ASIC3: variants seen among roughly 807,000 people sequenced by gnomAD.
The protein encoded by ASIC3 is acid sensing ion channel subunit 3, also known as acid-sensing ion channel 3.
Under a neutral mutation model 58.6 loss-of-function variants are expected in ASIC3, and 46 were observed. The ratio of observed to expected loss-of-function variants is 0.79; its 90% CI spans 0.62 to 1.00. The LOEUF (loss-of-function observed/expected upper bound fraction) is 1.00, where lower values mean the gene tolerates loss of function less well. ASIC3 is among the 50% of genes least tolerant of loss of function. ASIC3 has a pLI of 0.00. For synonymous variants in ASIC3, 336 were observed against 300.2 expected, an observed-to-expected ratio of 1.12 and a Z score of -1.23; for missense variants, 770 against 735.0, an observed-to-expected ratio of 1.05 and a Z score of -0.55.
chr7:151,050,666 A>G (rs1796748569), intron 3 of ASIC3, 58 bp downstream of exon 3: 2 of 1,609,654 alleles, frequency 1.2e-6, no homozygotes, highest in Non-Finnish European at 1.7e-6. Context: ...CTCAGACCCT[A>G]AACCCTCAGC....
Position 151,049,195 on chromosome 7 carries a change from C to G in ASIC3, c.310C>G (p.Pro104Ala). ...INPLRRSRLTPNDLHWAGSAL... is the reference protein window; with the variant it reads ...INPLRRSRLTANDLHWAGSAL... ...CCCACTGCGCCGCTCGCGCCTAACG[C>G]CCAACGACCTGCACTGGGCTGGGTC... Residue 104 changes from proline to alanine, a missense_variant, in exon 1 of 11, where the codon CCC (proline) becomes GCC (alanine). Coordinates refer to ENST00000349064, the MANE Select transcript of ASIC3 (RefSeq NM_004769.4). The G allele has an allele frequency of 6.2e-7, 1 of 1,613,470 alleles. No individual in the cohort carries two copies. Among genetic ancestry groups the G allele is most frequent in the African/African-American group, 1.3e-5 (1 of 75,054 alleles).
chr7:151,052,690 C>T lies in ASIC3; in HGVS notation c.*38C>T. ...TGTCCTCGGAGCCCCGCCCTGACAT[C>T]CTGGACATGCCTAGCCTGCACGTAG... On this transcript the variant is annotated 3_prime_UTR_variant, in exon 11 of 11. Coordinates refer to ENST00000349064, the MANE Select transcript of ASIC3 (RefSeq NM_004769.4). This position sits in a 1 kb window ranked among gnomAD's most constrained non-coding sequence, Gnocchi z 5.0. 1 of 1,614,166 alleles carries T rather than the reference C, an allele frequency of 6.2e-7. No homozygotes were observed. Among genetic ancestry groups the T allele is most frequent in the Non-Finnish European group, 8.5e-7 (1 of 1,180,016 alleles).
chr7:151,052,206 A>G lies in ASIC3; in HGVS notation c.1427A>G (p.Gln476Arg), dbSNP rs765175405. The change falls in exon 9 of 11, where the codon CAG becomes CGG. Residue 476 changes from glutamine (Q) to arginine (R), a missense_variant. Coordinates refer to ENST00000349064, the MANE Select transcript of ASIC3 (RefSeq NM_004769.4). This position sits in a 1 kb window ranked among gnomAD's most constrained non-coding sequence, Gnocchi z 5.0. ...GTCCTGGGATATTTCTGGAACCGAC[A>G]GCACTCCCAAAGGCACTCCAGCACC... ...DKVLGYFWNR[Q>R]HSQRHSSTNL... is the part of the protein sequence containing the mutation. 1.9e-6 allele frequency: 3 copies of G among 1,614,050 alleles called. No individual in the cohort carries two copies. The South Asian group carries it at 3.3e-5, about 18-fold the overall frequency.
intron 6 of ASIC3, 150 bp downstream of exon 6, chr7:151,051,469 T>A: frequency 9.4e-7 from 1 of 1,061,650 alleles, no homozygotes. Context: ...GCTGGTTGCT[T>A]AATCTTTCTG....
At position 151,048,992 on chromosome 7, in the gene ASIC3, G is replaced by C; in HGVS notation, c.107G>C (p.Gly36Ala). 1 of 1,609,990 alleles carries C rather than the reference G, an allele frequency of 6.2e-7. No homozygotes were observed. The highest frequency in any genetic ancestry group is 1.1e-5 in the South Asian group (1 of 91,010). ...MHGLGHVFGPGSLSLRRGMWA... is the reference protein window; with the variant it reads ...MHGLGHVFGPASLSLRRGMWA... ...GGGCTGGGCCACGTCTTCGGGCCAG[G>C]CAGCCTGAGCCTGCGCCGGGGGATG... Residue 36 changes from glycine (G) to alanine (A), a missense_variant, in exon 1 of 11, where the codon GGC (glycine) becomes GCC (alanine). Coordinates refer to ENST00000349064, the MANE Select transcript of ASIC3 (RefSeq NM_004769.4).
In ASIC3 at chr7:151,048,715, A is replaced by C; in HGVS notation, c.-171A>C. On this transcript the variant is annotated 5_prime_UTR_variant, in exon 1 of 11. Transcript: ENST00000349064. ...CTGACCGGCCAGATCACCTCCTCCA[A>C]TCCTGCCAGGCTAGTGCCTCCCTGC... is the stretch of plus-strand genomic sequence containing the variant. The C allele has an allele frequency of 1.3e-6, 1 of 794,112 alleles. No individual in the cohort carries two copies. The highest frequency in any genetic ancestry group is 2.0e-6 in the Non-Finnish European group (1 of 501,164). The allele number at this position is 794,112 out of a possible 1,614,324, so 49.2% of individuals were successfully genotyped here.
chr7:151,051,593 G>A lies in ASIC3; in HGVS notation c.1215-217G>A, dbSNP rs540797382. Among the ~76,000 whole-genome samples, 32 of 151,084 alleles carry A rather than the reference G, an allele frequency of 2.1e-4. No homozygotes were observed. In the East Asian group the frequency reaches 5.5e-3, roughly 26 times the overall value. On this transcript the variant is annotated intron_variant, in intron 6 of 10. Transcript: ENST00000349064. ...ACGGCGGGGGGCGGGGGAGGGGAGG[G>A]GAGGGGACTCGCTGTATTGCCCAGG...
In ASIC3 at chr7:151,048,570, C is replaced by G. The variant is rs995302233; in HGVS notation, c.-316C>G. 2.0e-4 allele frequency: 77 copies of G among 386,208 alleles called. No individual in the cohort carries two copies. The highest frequency in any genetic ancestry group is 1.5e-3 in the African/African-American group (73 of 49,358). 23.9% of individuals were successfully genotyped at this position (386,208 alleles called of 1,614,324 possible). On this transcript the variant is annotated 5_prime_UTR_variant, in exon 1 of 11. Transcript: ENST00000349064. ...CGGCTCAGCACCGCCGGCTCAGCAC[C>G]GCTCCGCAGCCCCTGCCTGCCACGG...
Position 151,048,917 on chromosome 7 carries a change from G to T in ASIC3, c.32G>T (p.Arg11Leu), listed in dbSNP as rs114314698. The T allele has an allele frequency of 6.4e-7, 1 of 1,560,842 alleles. No individual in the cohort carries two copies. Among genetic ancestry groups the T allele is most frequent in the South Asian group, 1.2e-5 (1 of 82,160 alleles). Reference protein sequence around the residue: MKPTSGPEEARRPASDIRVFA... With the variant: MKPTSGPEEALRPASDIRVFA... ...CCCACCTCAGGCCCAGAGGAGGCCC[G>T]GCGGCCAGCCTCGGACATCCGCGTG... The change falls in exon 1 of 11, where the codon CGG becomes CTG. Residue 11 changes from arginine (R) to leucine (L), a missense_variant. Coordinates refer to ENST00000349064, the MANE Select transcript of ASIC3 (RefSeq NM_004769.4).
rs1796727508 is a variant in ASIC3, at chr7:151,049,957, T to C, written c.535-149T>C. 5.0e-6 allele frequency: 5 copies of C among 999,206 alleles called. No homozygotes were observed. In the South Asian group the frequency reaches 6.1e-5, roughly 12 times the overall value. The allele number at this position is 999,206 out of a possible 1,614,324, so 61.9% of individuals were successfully genotyped here. A position where few individuals can be genotyped will look rare whatever the true frequency, so the allele number is the denominator to read the frequency against. ...GGGCTCCCAAGAGCGTCCTGCAACA[T>C]GTGCCCACTGGAGCGTGGGGCTGGG... On this transcript the variant is annotated intron_variant, in intron 1 of 10. Transcript: ENST00000349064.
intron 1 of ASIC3, among the ~76,000 whole-genome samples, 197 bp from the exon 2 acceptor site, chr7:151,049,909 C>T (rs560490967): frequency 4.9e-4 from 75 of 152,204 alleles, no homozygotes; most frequent in African/African-American, 1.5e-3. Context: ...TGGGGATTGG[C>T]GGGGTGGAGG....
intron 6 of ASIC3, among the ~76,000 whole-genome samples, chr7:151,051,532 C>A (rs1237174199): frequency 9.4e-6 from 1 of 106,572 alleles, no homozygotes; most frequent in Non-Finnish European, 1.9e-5. Flanking sequence ...TTTTCCTTTC[C>A]TTTTATTTTT....
intron 6 of ASIC3, 48 bp from the exon 7 acceptor site, chr7:151,051,762 G>T (rs780433423): frequency 2.0e-4 from 316 of 1,590,996 alleles, no homozygotes; most frequent in Non-Finnish European, 2.7e-4. Flanking sequence ...GCCAGCAGTG[G>T]GCACCAGGCG....
rs778006863 is a variant in ASIC3, at chr7:151,050,770, C to G, written c.826C>G (p.Pro276Ala). The G allele has an allele frequency of 1.2e-6, 2 of 1,613,582 alleles. No individual in the cohort carries two copies. Among genetic ancestry groups the G allele is most frequent in the Non-Finnish European group, 8.5e-7 (1 of 1,179,810 alleles). Residue 276 changes from proline (P) to alanine (A), a missense_variant, in exon 4 of 11, where the codon CCA becomes GCA. Coordinates refer to ENST00000349064, the MANE Select transcript of ASIC3 (RefSeq NM_004769.4). ...TGTCCCCCCACAGCTGAGCTTCCTG[C>G]CACCGCCCTGGGGCGATTGCAGTTC... ...SCQQQQLSFLPPPWGDCSSAS... is the reference protein window; with the variant it reads ...SCQQQQLSFLAPPWGDCSSAS...
In ASIC3 at chr7:151,048,960, G is replaced by A. The variant is rs1457791245; in HGVS notation, c.75G>A (p.Ser25=). 6 of 1,596,868 alleles carry A rather than the reference G, an allele frequency of 3.8e-6. No homozygotes were observed. Among genetic ancestry groups the A allele is most frequent in the South Asian group, 3.3e-5 (3 of 90,184 alleles). ...SDIRVFASNC[S]MHGLGHVFGP... ...TCCGCGTGTTCGCCAGCAACTGCTC[G>A]ATGCACGGGCTGGGCCACGTCTTCG... The change falls in exon 1 of 11, where the codon TCG becomes TCA. Residue 25 remains serine, a synonymous_variant. Coordinates refer to ENST00000349064, the MANE Select transcript of ASIC3 (RefSeq NM_004769.4).
In ASIC3 at chr7:151,048,607, C is replaced by A. The variant is rs1796682881; in HGVS notation, c.-279C>A. The A allele has an allele frequency of 2.3e-6, 1 of 442,372 alleles. No homozygotes were observed. Among genetic ancestry groups the A allele is most frequent in the Admixed American group, 3.8e-5 (1 of 26,446 alleles). 27.4% of individuals were successfully genotyped at this position (442,372 alleles called of 1,614,324 possible). A position where few individuals can be genotyped will look rare whatever the true frequency, so the allele number is the denominator to read the frequency against. On this transcript the variant is annotated 5_prime_UTR_variant, in exon 1 of 11. Transcript: ENST00000349064. ...CCTGCCTGCCACGGTCAGCTACGTC[C>A]CACCTGGTCTGCTGCGGAGTCCCCA...
intron 6 of ASIC3, among the ~76,000 whole-genome samples, chr7:151,051,547 C>T (rs1445510389): frequency 1.0e-5 from 1 of 98,414 alleles, no homozygotes; most frequent in Non-Finnish European, 2.0e-5. Context: ...ATTTTTTAAT[C>T]TTTACTTTTA....
intron 6 of ASIC3, 74 bp downstream of exon 6, chr7:151,051,393 G>A (rs895143471): frequency 7.1e-7 from 1 of 1,402,548 alleles, no homozygotes; most frequent in Non-Finnish European, 9.2e-7. Flanking sequence ...AGGCCAGGCC[G>A]TAGCCCTAGT....
At chr7:151,050,355 A>T in intron 2 of ASIC3, 99 bp downstream of exon 2, 2 of 1,564,438 alleles carry the variant, frequency 1.3e-6, no homozygotes, top group Non-Finnish European at 8.7e-7. Context: ...GTTCCCCCAG[A>T]ACCTGTGAAA....
Sources: allele counts gnomAD v4.1 joint callset (sites outside exome capture counted in the v4.1 genomes callset), GRCh38; gene constraint gnomAD v4.1.1; non-coding constraint Gnocchi (gnomAD v3.1); transcripts MANE v1.5; gene names NCBI Gene and HGNC (gene_info 2026-07-23, HGNC 2026-07-21).